The following DYRK1A variants were observed in gnomAD, a reference collection of about 807,000 sequenced individuals.
The protein encoded by DYRK1A is dual specificity tyrosine-phosphorylation-regulated kinase 1A.
A neutral mutation model predicts 79.7 loss-of-function variants in DYRK1A; 9 were observed. The observed-to-expected ratio is 0.11, with a 90% confidence interval of 0.07 to 0.20. DYRK1A has a LOEUF of 0.20. Ranked by LOEUF, DYRK1A falls within the 10% of genes least tolerant of loss-of-function variation. The probability of loss-of-function intolerance (pLI) is 1.00; values close to 1 mark genes in which losing one functional copy is unlikely to be tolerated. For missense variants in DYRK1A, 622 were observed against 956.0 expected, an observed-to-expected ratio of 0.65 and a Z score of 4.61; for synonymous variants, 349 against 329.7, an observed-to-expected ratio of 1.06 and a Z score of -0.63.
Position 37,512,049 on chromosome 21 carries a change from A to G in DYRK1A, c.1783A>G (p.Asn595Asp), listed in dbSNP as rs1468488019. The G allele has an allele frequency of 3.1e-6, 5 of 1,614,018 alleles. No individual in the cohort carries two copies. The highest frequency in any genetic ancestry group is 1.7e-5 in the Admixed American group (1 of 59,986). The change falls in exon 12 of 12, where the codon AAC becomes GAC. Residue 595 changes from asparagine (N) to aspartate (D), a missense_variant. By Grantham distance (23) the Asn-to-Asp change is conservative. Around this residue, in one of 5 missense-constraint regions of DYRK1A, gnomAD observed 292 missense variants for 316.7 expected, o/e 0.92. Coordinates refer to ENST00000647188, the MANE Select transcript of DYRK1A (RefSeq NM_001347721.2). The part of the protein sequence containing the change: ...QQNALHHHHG[N>D]SSHHHHHHHH... ...GAATGCATTGCATCATCACCATGGT[A>G]ACAGTTCCCATCACCATCACCACCA...
intron 2 of DYRK1A, among the ~76,000 whole-genome samples, chr21:37,443,225 C>T (rs1251696464): frequency 6.6e-6 from 1 of 152,024 alleles, no homozygotes; most frequent in Non-Finnish European, 1.5e-5. Flanking sequence ...TCATAACTTA[C>T]TGCAACCTTC....
intron 2 of DYRK1A, among the ~76,000 whole-genome samples, chr21:37,445,287 A>G (rs1307479469): frequency 1.3e-5 from 2 of 152,234 alleles, no homozygotes; most frequent in African/African-American, 4.8e-5. Flanking sequence ...CAGAATGCAC[A>G]CCGGAAAGTA....
intron 9 of DYRK1A, among the ~76,000 whole-genome samples, chr21:37,497,615 T>A (rs982015042): frequency 2.0e-5 from 3 of 152,224 alleles, no homozygotes; most frequent in Non-Finnish European, 4.4e-5. Context: ...GCTGCTGCTT[T>A]CTCCATTTCA....
chr21:37,511,838 C>T, intron 11 of DYRK1A, 73 bp from the exon 12 acceptor site: 1 of 1,522,816 alleles, frequency 6.6e-7, no homozygotes, highest in East Asian at 2.3e-5. Flanking sequence ...TTGTTAGTGT[C>T]ATGGCTTTTG....
At chr21:37,386,712 G>A (rs1037384047) in intron 1 of DYRK1A, among the ~76,000 whole-genome samples, 5 of 152,126 alleles carry the variant, frequency 3.3e-5, no homozygotes, top group African/African-American at 1.2e-4. Context: ...GACAGGCTCA[G>A]GGGCTAATTG....
intron 7 of DYRK1A, among the ~76,000 whole-genome samples, chr21:37,491,945 C>G (rs760584048): frequency 9.2e-5 from 14 of 152,094 alleles, no homozygotes; most frequent in Non-Finnish European, 1.9e-4. Flanking sequence ...TGGTCCTGCC[C>G]CTAGATCTGT....
At position 37,375,972 on chromosome 21, in the gene DYRK1A, C is replaced by T. The variant is rs1291452883; in HGVS notation, c.-77+8344C>T. Among the ~76,000 whole-genome samples the T allele has an allele frequency of 2.6e-5, 4 of 151,882 alleles. No individual in the cohort carries two copies. In the East Asian group the frequency reaches 7.8e-4, roughly 29 times the overall value. The stretch of plus-strand genomic sequence containing the variant: ...CCGCCAAGCCCCCCTCTTCCTATAC[C>T]AATATAAACCTGAAACCGCAGGCCC... On this transcript the variant is annotated intron_variant, in intron 1 of 11. Transcript: ENST00000647188.
At chr21:37,483,763 T>G (rs1331337430) in intron 5 of DYRK1A, among the ~76,000 whole-genome samples, 2 of 152,036 alleles carry the variant, frequency 1.3e-5, no homozygotes, top group East Asian at 3.9e-4. Context: ...GTTGTTTTTT[T>G]GTAGAGGTGA....
intron 2 of DYRK1A, among the ~76,000 whole-genome samples, chr21:37,445,546 G>T (rs559009708): frequency 3.3e-5 from 5 of 152,284 alleles, no homozygotes; most frequent in African/African-American, 1.2e-4. Flanking sequence ...GGAAGATGCA[G>T]TTTTTGCTGG....
chr21:37,435,905 G>A (rs1483379176), intron 2 of DYRK1A, among the ~76,000 whole-genome samples: 1 of 152,062 alleles, frequency 6.6e-6, no homozygotes, highest in Non-Finnish European at 1.5e-5. Flanking sequence ...TTTTCTAATT[G>A]AAGTCAGATG....
chr21:37,386,232 G>A (rs977799966), intron 1 of DYRK1A, among the ~76,000 whole-genome samples: 1 of 152,124 alleles, frequency 6.6e-6, no homozygotes, highest in Middle Eastern at 3.4e-3. Context: ...ATATTAAAAG[G>A]TAATACTAAT....
intron 5 of DYRK1A, among the ~76,000 whole-genome samples, chr21:37,482,790 C>G (rs928241353): frequency 6.6e-6 from 1 of 152,190 alleles, no homozygotes; most frequent in Non-Finnish European, 1.5e-5. Context: ...TTTCAGAGAC[C>G]TACCCTCAGG....
chr21:37,386,788 G>A (rs966841615), intron 1 of DYRK1A, among the ~76,000 whole-genome samples: 2 of 152,174 alleles, frequency 1.3e-5, no homozygotes, highest in African/African-American at 2.4e-5. Flanking sequence ...GTCACTGGCA[G>A]GCTCTATCCT....
intron 2 of DYRK1A, among the ~76,000 whole-genome samples, chr21:37,462,541 G>C (rs1167354478): frequency 6.6e-6 from 1 of 152,174 alleles, no homozygotes; most frequent in Non-Finnish European, 1.5e-5. Context: ...CAGTTCCCTG[G>C]TAGTTGTTCT....
chr21:37,376,051 AAG>A (rs929257688), intron 1 of DYRK1A, among the ~76,000 whole-genome samples: 5 of 151,918 alleles, frequency 3.3e-5, no homozygotes, highest in Non-Finnish European at 5.9e-5. Context: ...TGGCAGAGAG[AAG>A]AGAGAGTCTG....
At chr21:37,395,489 GTTAATC>G (rs1388689912) in intron 1 of DYRK1A, among the ~76,000 whole-genome samples, 1 of 152,120 alleles carries the variant, frequency 6.6e-6, no homozygotes. Context: ...CCCTCCAGAA[GTTAATC>G]TTACCTGACA....
At chr21:37,407,118 C>T (rs185611101) in intron 1 of DYRK1A, among the ~76,000 whole-genome samples, 8 of 152,026 alleles carry the variant, frequency 5.3e-5, no homozygotes, top group East Asian at 1.9e-4. Context: ...TATTTACAAA[C>T]GTAGGTTGGG....
chr21:37,501,187 T>A (rs1025107392), intron 9 of DYRK1A: 1 of 146,668 alleles, frequency 6.8e-6, no homozygotes, highest in African/African-American at 2.6e-5. Flanking sequence ...TTTTTTTTTT[T>A]TTAAGACGGA....
intron 2 of DYRK1A, among the ~76,000 whole-genome samples, chr21:37,452,474 C>T (rs2051485688): frequency 6.6e-6 from 1 of 152,146 alleles, no homozygotes; most frequent in Non-Finnish European, 1.5e-5. Context: ...GGCGCTACTG[C>T]CTGCTCCCCA....
Sources: allele counts gnomAD v4.1 joint callset (sites outside exome capture counted in the v4.1 genomes callset), GRCh38; gene constraint gnomAD v4.1.1; regional missense constraint gnomAD v4.1.1; transcripts MANE v1.5; gene names NCBI Gene and HGNC (gene_info 2026-07-23, HGNC 2026-07-21).